Variants in FHIT observed in about 807,000 individuals in gnomAD.
FHIT encodes the protein fragile histidine triad diadenosine triphosphatase, also known as bis(5'-adenosyl)-triphosphatase.
Under a neutral mutation model 17.9 loss-of-function variants are expected in FHIT, and 19 were observed. The observed-to-expected ratio is 1.06, with a 90% CI of 0.74 to 1.56. The LOEUF is 1.56. Among genes scored for constraint, FHIT ranks in the 40% most tolerant of loss-of-function variants. The pLI, the probability that FHIT is intolerant of heterozygous loss-of-function variation, is 0.00. For synonymous variants in FHIT, 81 were observed against 69.7 expected, an observed-to-expected ratio of 1.16 and a Z score of -0.81; for missense variants, 248 against 189.2, an observed-to-expected ratio of 1.31 and a Z score of -1.82.
At chr3:60,603,785 A>G (rs2038520095) in intron 4 of FHIT, among the ~76,000 whole-genome samples, 1 of 152,160 alleles carries the variant, frequency 6.6e-6, no homozygotes, top group Admixed American at 6.6e-5. Context: ...AAGAATGAGT[A>G]GAATGTATCC....
At chr3:60,175,065 A>G (rs999832430) in intron 5 of FHIT, among the ~76,000 whole-genome samples, 2 of 152,212 alleles carry the variant, frequency 1.3e-5, no homozygotes, top group African/African-American at 4.8e-5. Context: ...CATGCTCTCC[A>G]CAAATGCTCC....
chr3:61,145,591 A>C (rs952448671), intron 2 of FHIT, among the ~76,000 whole-genome samples: 1 of 152,140 alleles, frequency 6.6e-6, no homozygotes, highest in African/African-American at 2.4e-5. Context: ...AAGGGATTCC[A>C]TTAAATACAT....
chr3:60,912,626 T>G (rs555332715), intron 3 of FHIT: 1 of 358,942 alleles, frequency 2.8e-6, no homozygotes, highest in East Asian at 8.5e-5. Context: ...TCCCCACCTA[T>G]CAGGAAAGAA....
intron 3 of FHIT, among the ~76,000 whole-genome samples, chr3:60,957,932 C>T (rs1269438006): frequency 6.6e-6 from 1 of 152,230 alleles, no homozygotes; most frequent in Non-Finnish European, 1.5e-5. Flanking sequence ...TAAATACATT[C>T]TGTAGTCAGA....
intron 5 of FHIT, among the ~76,000 whole-genome samples, chr3:60,306,520 A>G (rs1318721267): frequency 6.6e-6 from 1 of 152,124 alleles, no homozygotes; most frequent in African/African-American, 2.4e-5. Context: ...AATTACTAAG[A>G]TATCACTTAT....
chr3:60,210,775 G>A (rs1046537401), intron 5 of FHIT, among the ~76,000 whole-genome samples: 1 of 151,980 alleles, frequency 6.6e-6, no homozygotes, highest in Non-Finnish European at 1.5e-5. Flanking sequence ...AGGGAACTAG[G>A]AATTCTTATA....
chr3:61,173,747 G>A (rs2038079531), intron 2 of FHIT, among the ~76,000 whole-genome samples: 1 of 152,182 alleles, frequency 6.6e-6, no homozygotes. Flanking sequence ...CTAGCAGGAG[G>A]TTTGGGCACC....
chr3:59,982,197 T>C (rs1420556118), intron 7 of FHIT, among the ~76,000 whole-genome samples: 1 of 152,142 alleles, frequency 6.6e-6, no homozygotes, highest in Non-Finnish European at 1.5e-5. Flanking sequence ...GTGAGGAAGA[T>C]GGGGCTTATG....
At chr3:61,162,407 G>A (rs1008190753) in intron 2 of FHIT, among the ~76,000 whole-genome samples, 1 of 152,132 alleles carries the variant, frequency 6.6e-6, no homozygotes, top group Admixed American at 6.5e-5. Flanking sequence ...GTGTTTAAAG[G>A]GAAGTACCAA....
chr3:59,967,334 A>G (rs571605531), intron 7 of FHIT, among the ~76,000 whole-genome samples: 14 of 152,304 alleles, frequency 9.2e-5, no homozygotes, highest in Middle Eastern at 3.4e-3. Flanking sequence ...ATAGTCGTTT[A>G]TTATCAAGTA....
At chr3:60,592,489 G>A (rs2038120824) in intron 4 of FHIT, among the ~76,000 whole-genome samples, 1 of 152,002 alleles carries the variant, frequency 6.6e-6, no homozygotes, top group Non-Finnish European at 1.5e-5. Flanking sequence ...CTGGCACCGT[G>A]GTCATCTAAA....
chr3:60,085,308 T>C (rs1024996599), intron 5 of FHIT, among the ~76,000 whole-genome samples: 2 of 152,174 alleles, frequency 1.3e-5, no homozygotes, highest in South Asian at 2.1e-4. Flanking sequence ...CTCTGATTTT[T>C]TGAGGTCTAG....
At chr3:61,107,979 G>A (rs756816980) in intron 2 of FHIT, among the ~76,000 whole-genome samples, 10 of 152,152 alleles carry the variant, frequency 6.6e-5, no homozygotes, top group Admixed American at 1.3e-4. Flanking sequence ...TATAGTTCAC[G>A]ATGTACGGAA....
intron 7 of FHIT, among the ~76,000 whole-genome samples, chr3:60,003,858 C>CTTT (rs35165735): frequency 2.8e-4 from 40 of 145,036 alleles, no homozygotes; most frequent in African/African-American, 9.9e-4. Flanking sequence ...ATTTATTTTA[C>CTTT]TTTTTTTTTT....
intron 4 of FHIT, among the ~76,000 whole-genome samples, chr3:60,564,083 G>C (rs1370174188): frequency 6.6e-6 from 1 of 152,154 alleles, no homozygotes; most frequent in Non-Finnish European, 1.5e-5. Context: ...TGCAGATGGT[G>C]ACTTTAAGTT....
At chr3:60,853,777 C>T (rs1703252538) in intron 3 of FHIT, among the ~76,000 whole-genome samples, 2 of 152,092 alleles carry the variant, frequency 1.3e-5, no homozygotes, top group East Asian at 3.8e-4. Context: ...CATAAGTACT[C>T]TTTTTCTTTG....
intron 2 of FHIT, among the ~76,000 whole-genome samples, chr3:61,127,821 G>C (rs1199245860): frequency 6.6e-6 from 1 of 152,046 alleles, no homozygotes; most frequent in East Asian, 1.9e-4. Flanking sequence ...AGTGAGTCGA[G>C]ATCATGCCAC....
chr3:60,420,747 G>C (rs567397631), intron 5 of FHIT, among the ~76,000 whole-genome samples: 3 of 152,240 alleles, frequency 2.0e-5, no homozygotes, highest in African/African-American at 7.2e-5. Context: ...TATTTAAATG[G>C]TTTAAGTATT....
chr3:59,785,907 G>C (rs1462006454), intron 8 of FHIT, among the ~76,000 whole-genome samples: 1 of 152,170 alleles, frequency 6.6e-6, no homozygotes, highest in Non-Finnish European at 1.5e-5. Flanking sequence ...CAAAATTTGA[G>C]TCAGTGCCCC....
Sources: allele counts gnomAD v4.1 joint callset (sites outside exome capture counted in the v4.1 genomes callset), GRCh38; gene constraint gnomAD v4.1.1; transcripts MANE v1.5; gene names NCBI Gene and HGNC (gene_info 2026-07-23, HGNC 2026-07-21).